Variants in PCDH12 observed in about 807,000 individuals in gnomAD.
PCDH12 encodes protocadherin-12.
A neutral mutation model predicts 70.9 loss-of-function variants in PCDH12; 45 were observed. The observed-to-expected ratio is 0.63, with a 90% CI of 0.50 to 0.81. PCDH12 has a LOEUF of 0.81. Among genes scored for constraint, PCDH12 ranks in the 40% least tolerant of loss-of-function variants. The probability of loss-of-function intolerance (pLI) is 0.00; values close to 1 mark genes in which losing one functional copy is unlikely to be tolerated. For missense variants in PCDH12, 1,370 were observed against 1,491.7 expected (o/e 0.92, Z 1.34); for synonymous variants, 567 against 626.0 (o/e 0.91, Z 1.41).
chr5:141,955,380 C>T lies in PCDH12; in HGVS notation c.2472G>A (p.Arg824=), dbSNP rs1315942931. The change falls in exon 1 of 4, where the codon AGG becomes AGA. Residue 824 remains arginine, a synonymous_variant. Transcript: ENST00000231484. The surrounding 1 kb of genome is among the most constrained non-coding windows in gnomAD (Gnocchi z 5.5). ...CCTGGTTGCCTTGATTACGCAGCGT[C>T]CTGTACAGGGTCGGGGTGAGGTGGA... ...APFHLTPTLY[R]TLRNQGNQGA... is the part of the protein sequence containing the mutation. The T allele has an allele frequency of 6.2e-7, 1 of 1,614,076 alleles. No homozygotes were observed. Among genetic ancestry groups the T allele is most frequent in the Admixed American group, 1.7e-5 (1 of 60,032 alleles).
intron 3 of PCDH12, 140 bp downstream of exon 3, chr5:141,949,292 G>A: frequency 2.0e-6 from 3 of 1,476,560 alleles, no homozygotes; most frequent in African/African-American, 1.4e-5. Context: ...AGGCTGCAAG[G>A]GTGCAAGGGA....
At chr5:141,953,901 T>G (rs1157859589) in intron 1 of PCDH12, among the ~76,000 whole-genome samples, 2 of 152,206 alleles carry the variant, frequency 1.3e-5, no homozygotes, top group Non-Finnish European at 2.9e-5. Context: ...AACAGAAGTG[T>G]GCCTTGGGCG....
chr5:141,954,939 G>T lies in PCDH12; in HGVS notation c.2880+33C>A. ...ATTCTGTTTCTGGTGGTCCAGGAGTGACCAGAGAAAGAGCTGCCCATGCCC... is the reference window on the plus strand; with the variant it reads ...ATTCTGTTTCTGGTGGTCCAGGAGTTACCAGAGAAAGAGCTGCCCATGCCC... On this transcript the variant is annotated intron_variant, in intron 1 of 3. Transcript: ENST00000231484. 1.9e-6 allele frequency: 3 copies of T among 1,585,462 alleles called. No homozygotes were observed. The South Asian group carries it at 3.5e-5, about 18-fold the overall frequency.
rs1753180386 is a variant in PCDH12, at chr5:141,956,167, G to T, written c.1685C>A (p.Ala562Asp). ...WVSLLDANDN[A>D]PEVVQPVLSD... ...GAGCACAGGCTGGACCACCTCTGGG[G>T]CATTATCATTGGCATCCAAGAGGCT... The change falls in exon 1 of 4, where the codon GCC becomes GAC. Residue 562 changes from alanine to aspartate, a missense_variant. Coordinates refer to ENST00000231484, the MANE Select transcript of PCDH12 (RefSeq NM_016580.4). 2.5e-6 allele frequency: 4 copies of T among 1,614,224 alleles called. No homozygotes were observed. Among genetic ancestry groups the T allele is most frequent in the Middle Eastern group, 1.6e-4 (1 of 6,062 alleles).
chr5:141,948,262 A>G (rs978324984), intron 3 of PCDH12, among the ~76,000 whole-genome samples: 8 of 152,330 alleles, frequency 5.3e-5, no homozygotes, highest in African/African-American at 1.7e-4. Context: ...AGATTTTCTC[A>G]TGAGGTACTT....
At chr5:141,945,924 G>T (rs982022135) in intron 3 of PCDH12, 119 bp from the exon 4 acceptor site, 4 of 911,330 alleles carry the variant, frequency 4.4e-6, no homozygotes, top group African/African-American at 1.7e-5. Context: ...AATGGCAGGG[G>T]ACAGACAGAG....
rs1319306568 is a variant in PCDH12, at chr5:141,955,843, T to C, written c.2009A>G (p.Glu670Gly). Residue 670 changes from glutamate to glycine, a missense_variant, in exon 1 of 4, where the codon GAG becomes GGG. By Grantham distance (98) the Glu-to-Gly change is moderately conservative (BLOSUM62 -2). Coordinates refer to ENST00000231484, the MANE Select transcript of PCDH12 (RefSeq NM_016580.4). This position sits in a 1 kb window ranked among gnomAD's most constrained non-coding sequence, Gnocchi z 5.5. The stretch of plus-strand genomic sequence containing the variant: ...CTCTACTACTATCTCCAGCTCCCAC[T>C]CACTCCCAATGAGGCTGCTGGCATT... ...VTNASSLIGS[E>G]WELEIVVEDQ... 4 of 1,613,960 alleles carry C rather than the reference T, an allele frequency of 2.5e-6. No homozygotes were observed. The African/African-American group carries it at 4.0e-5, about 16-fold the overall frequency.
At chr5:141,947,926 C>T (rs1413973445) in intron 3 of PCDH12, among the ~76,000 whole-genome samples, 2 of 152,174 alleles carry the variant, frequency 1.3e-5, no homozygotes, top group Non-Finnish European at 2.9e-5. Context: ...GGGAACTGAC[C>T]CCACAGGTTC....
Position 141,957,025 on chromosome 5 carries a change from T to G in PCDH12, c.827A>C (p.Asn276Thr). The G allele has an allele frequency of 1.2e-6, 2 of 1,614,176 alleles. No homozygotes were observed. Among genetic ancestry groups the G allele is most frequent in the Non-Finnish European group, 1.7e-6 (2 of 1,180,022 alleles). Residue 276 changes from asparagine to threonine, a missense_variant, in exon 1 of 4, where the codon AAT becomes ACT. Transcript: ENST00000231484. This position sits in a 1 kb window ranked among gnomAD's most constrained non-coding sequence, Gnocchi z 4.3. ...LTATDPDQGP[N>T]GEVEFFLSKH... ...ACTGAGGAAGAACTCCACCTCCCCATTGGGGCCTTGGTCAGGGTCTGTGGC... is the reference window on the plus strand; with the variant it reads ...ACTGAGGAAGAACTCCACCTCCCCAGTGGGGCCTTGGTCAGGGTCTGTGGC...
chr5:141,955,597 C>T lies in PCDH12; in HGVS notation c.2255G>A (p.Cys752Tyr). 6.2e-7 allele frequency: 1 copy of T among 1,614,154 alleles called. No individual in the cohort carries two copies. Among genetic ancestry groups the T allele is most frequent in the Non-Finnish European group, 8.5e-7 (1 of 1,180,042 alleles). ...TEKKDNRAYN[C>Y]REAESTYRQQ... Reference sequence around the variant, plus strand: ...GCGGTAGGTGGACTCGGCCTCCCGACAGTTGTAGGCCCTGTTGTCCTTCTT... The same window carrying T: ...GCGGTAGGTGGACTCGGCCTCCCGATAGTTGTAGGCCCTGTTGTCCTTCTT... Residue 752 changes from cysteine to tyrosine, a missense_variant, in exon 1 of 4, where the codon TGT becomes TAT. Physicochemically the swap from Cys to Tyr is radical, Grantham distance 194. Transcript: ENST00000231484. The surrounding 1 kb of genome is among the most constrained non-coding windows in gnomAD (Gnocchi z 5.5).
Position 141,957,945 on chromosome 5 carries a change from C to G in PCDH12, c.-94G>C. ...GTTTCCTGGATGGCTTGATCAGCCCCGTGCTCCTTCCCCCAGAGCTGCCGG... is the reference window on the plus strand; with the variant it reads ...GTTTCCTGGATGGCTTGATCAGCCCGGTGCTCCTTCCCCCAGAGCTGCCGG... On this transcript the variant is annotated 5_prime_UTR_variant, in exon 1 of 4. Coordinates refer to ENST00000231484, the MANE Select transcript of PCDH12 (RefSeq NM_016580.4). This position sits in a 1 kb window ranked among gnomAD's most constrained non-coding sequence, Gnocchi z 4.3. The G allele has an allele frequency of 2.1e-6, 3 of 1,420,968 alleles. No individual in the cohort carries two copies. The highest frequency in any genetic ancestry group is 2.8e-6 in the Non-Finnish European group (3 of 1,057,052). 88.0% of individuals were successfully genotyped at this position (1,420,968 alleles called of 1,614,324 possible). A position where few individuals can be genotyped will look rare whatever the true frequency, so the allele number is the denominator to read the frequency against.
At position 141,955,805 on chromosome 5, in the gene PCDH12, G is replaced by T; in HGVS notation, c.2047C>A (p.Pro683Thr). The T allele has an allele frequency of 6.2e-7, 1 of 1,613,820 alleles. No individual in the cohort carries two copies. Among genetic ancestry groups the T allele is most frequent in the African/African-American group, 1.3e-5 (1 of 75,016 alleles). Residue 683 changes from proline to threonine, a missense_variant, in exon 1 of 4, where the codon CCC becomes ACC. Physicochemically the swap from Pro to Thr is conservative, Grantham distance 38. Coordinates refer to ENST00000231484, the MANE Select transcript of PCDH12 (RefSeq NM_016580.4). The surrounding 1 kb of genome is among the most constrained non-coding windows in gnomAD (Gnocchi z 5.5). ...AACAGGGCTCGGGTCTGTAAGGGGG[G>T]GCTTCCCTGGTCCTCTACTACTATC... ...LEIVVEDQGSPPLQTRALLRV... is the reference protein window; with the variant it reads ...LEIVVEDQGSTPLQTRALLRV...
At chr5:141,949,238 A>C (rs1753022652) in intron 3 of PCDH12, 194 bp downstream of exon 3, 8 of 898,296 alleles carry the variant, frequency 8.9e-6, no homozygotes, top group African/African-American at 1.8e-5. Flanking sequence ...CTGTCTAAAA[A>C]AAAAAAAAAT....
chr5:141,952,104 G>A (rs1032641778), intron 1 of PCDH12, among the ~76,000 whole-genome samples: 3 of 152,106 alleles, frequency 2.0e-5, no homozygotes, highest in African/African-American at 4.8e-5. Flanking sequence ...TAAGTGCCAG[G>A]CAGGGTGGTT....
At chr5:141,954,809 C>T (rs777800348) in intron 1 of PCDH12, among the ~76,000 whole-genome samples, 163 bp downstream of exon 1, 1 of 152,214 alleles carries the variant, frequency 6.6e-6, no homozygotes, top group Non-Finnish European at 1.5e-5. Context: ...TAAGTTCAGC[C>T]GATCACAAAG....
rs153148 is a variant in PCDH12, at chr5:141,945,058, C to T, written c.*323G>A. The T allele has an allele frequency of 0.6, 192,210 of 319,448 alleles. 60,874 individuals are homozygous for T. Among genetic ancestry groups the T allele is most frequent in the East Asian group, 0.84 (13,488 of 16,058 alleles). 19.8% of individuals were successfully genotyped at this position (319,448 alleles called of 1,614,324 possible). A position where few individuals can be genotyped will look rare whatever the true frequency, so the allele number is the denominator to read the frequency against. On this transcript the variant is annotated 3_prime_UTR_variant, in exon 4 of 4. Coordinates refer to ENST00000231484, the MANE Select transcript of PCDH12 (RefSeq NM_016580.4). ...TGACTCCTGCTACCCAAGAAGGCCA[C>T]CCTTTCCTGCCTGTGATACTCCGTG...
At chr5:141,952,136 A>G (rs1412549603) in intron 1 of PCDH12, among the ~76,000 whole-genome samples, 1 of 152,200 alleles carries the variant, frequency 6.6e-6, no homozygotes, top group Non-Finnish European at 1.5e-5. Flanking sequence ...AAGAAGGAGA[A>G]GGAGCCCCAG....
rs750468776 is a variant in PCDH12, at chr5:141,956,062, C to G, written c.1790G>C (p.Gly597Ala). Residue 597 changes from glycine to alanine, a missense_variant, in exon 1 of 4, where the codon GGC (glycine) becomes GCC (alanine). Physicochemically the swap from Gly to Ala is moderately conservative, Grantham distance 60. Coordinates refer to ENST00000231484, the MANE Select transcript of PCDH12 (RefSeq NM_016580.4). ...TGTGTCAGTGCCCGCTGGGCCCAAGCCATTGGGAGTCTCGATGGGCACCAG... is the reference window on the plus strand; with the variant it reads ...TGTGTCAGTGCCCGCTGGGCCCAAGGCATTGGGAGTCTCGATGGGCACCAG... ...HLLVPIETPN[G>A]LGPAGTDTPP... 1.2e-6 allele frequency: 2 copies of G among 1,614,130 alleles called. No individual in the cohort carries two copies. Among genetic ancestry groups the G allele is most frequent in the African/African-American group, 1.3e-5 (1 of 75,042 alleles).
Position 141,945,537 on chromosome 5 carries a change from G to A in PCDH12, c.3399C>T (p.Ser1133=), listed in dbSNP as rs550826833. 116 of 1,613,934 alleles carry A rather than the reference G, an allele frequency of 7.2e-5. No individual in the cohort carries two copies. Among genetic ancestry groups the A allele is most frequent in the Admixed American group, 5.5e-4 (33 of 60,014 alleles). Residue 1133 remains serine, a synonymous_variant, in exon 4 of 4, where the codon TCC becomes TCT. Transcript: ENST00000231484. ...AGACCGAGAGCCGCCGCAGCGCCTC[G>A]GAGGCGGCCTCCACGGGCATGCTGG... is the stretch of plus-strand genomic sequence containing the variant. ...QRSSMPVEAA[S]EALRRLSVCG... is the part of the protein sequence containing the mutation.
Sources: gnomAD v4.1 joint callset for allele counts (sites outside exome capture counted in the v4.1 genomes callset) on GRCh38, gnomAD v4.1.1 for gene constraint, Gnocchi (gnomAD v3.1) non-coding constraint, MANE v1.5 for transcripts, NCBI Gene and HGNC (gene_info 2026-07-23, HGNC 2026-07-21) for gene names.